PDE6C: variants seen among roughly 807,000 people sequenced by gnomAD.
PDE6C encodes cone cGMP-specific 3',5'-cyclic phosphodiesterase subunit alpha'.
A neutral mutation model predicts 113.1 loss-of-function variants in PDE6C; 75 were observed. The ratio of observed to expected loss-of-function variants is 0.66; its 90% CI spans 0.55 to 0.80. The LOEUF is 0.80. Ranked by LOEUF, PDE6C falls within the 30% of genes least tolerant of loss-of-function variation. The probability of loss-of-function intolerance (pLI) is 0.00; values close to 1 mark genes in which losing one functional copy is unlikely to be tolerated. For missense variants in PDE6C, 912 were observed against 1,038.6 expected (o/e 0.88, Z 1.67); for synonymous variants, 375 against 363.7 (o/e 1.03, Z -0.35).
intron 5 of PDE6C, 71 bp from the exon 6 acceptor site, chr10:93,626,569 C>A (rs2058473813): frequency 2.3e-6 from 2 of 855,878 alleles, no homozygotes; most frequent in Admixed American, 2.0e-5. Context: ...TTTTAAAGTA[C>A]AAGTTCCCCA....
intron 14 of PDE6C, among the ~76,000 whole-genome samples, chr10:93,644,004 C>T (rs1002508152): frequency 6.6e-6 from 1 of 152,138 alleles, no homozygotes; most frequent in East Asian, 1.9e-4. Flanking sequence ...GGAGTAGTTG[C>T]TCAACCTTTT....
In PDE6C at chr10:93,626,792, T is replaced by G; in HGVS notation, c.1005-13T>G. On this transcript the variant is annotated splice_polypyrimidine_tract_variant and intron_variant, in intron 6 of 21. Coordinates refer to ENST00000371447, the MANE Select transcript of PDE6C (RefSeq NM_006204.4). The stretch of plus-strand genomic sequence containing the variant: ...TCTATATTGCAATGATTTTTTTTCT[T>G]CTCTTCCCCAAGGACGCCTCCTGCA... 6.2e-7 allele frequency: 1 copy of G among 1,613,854 alleles called. No individual in the cohort carries two copies.
intron 21 of PDE6C, among the ~76,000 whole-genome samples, chr10:93,665,019 C>T (rs113465778): frequency 0.013 from 1,961 of 152,214 alleles, 31 homozygotes; most frequent in African/African-American, 0.04. Context: ...CAGGCACATG[C>T]CACCACACTC....
At chr10:93,626,535 G>T in intron 5 of PDE6C, 105 bp from the exon 6 acceptor site, 1 of 697,658 alleles carries the variant, frequency 1.4e-6, no homozygotes. Context: ...ATGTGGTTGG[G>T]AAATAAGGTT....
intron 1 of PDE6C, among the ~76,000 whole-genome samples, chr10:93,618,820 C>T (rs1445933946): frequency 6.6e-6 from 1 of 152,206 alleles, no homozygotes; most frequent in East Asian, 1.9e-4. Context: ...AGCCCTTGTT[C>T]CCTGGTGGAA....
At chr10:93,628,949 CA>C (rs1372137039) in intron 7 of PDE6C, among the ~76,000 whole-genome samples, 1 of 152,184 alleles carries the variant, frequency 6.6e-6, no homozygotes, top group Admixed American at 6.5e-5. Flanking sequence ...TAGAATTTCT[CA>C]GCTTTCTCCT....
chr10:93,661,631 G>A (rs1049830375), intron 18 of PDE6C, among the ~76,000 whole-genome samples: 3 of 152,114 alleles, frequency 2.0e-5, no homozygotes, highest in Non-Finnish European at 4.4e-5. Context: ...ATTAATGCTG[G>A]AATATCCTCA....
At chr10:93,633,038 G>A (rs1232131861) in intron 8 of PDE6C, among the ~76,000 whole-genome samples, 1 of 152,154 alleles carries the variant, frequency 6.6e-6, no homozygotes, top group Non-Finnish European at 1.5e-5. Flanking sequence ...GTAAGCCAAG[G>A]GAAGTCTTCA....
Position 93,612,599 on chromosome 10 carries a change from C to CT in PDE6C, c.-126dup. On this transcript the variant is annotated 5_prime_UTR_variant, in exon 1 of 22. Coordinates refer to ENST00000371447, the MANE Select transcript of PDE6C (RefSeq NM_006204.4). ...GCTTTCTGCTTGACCTTTGGAAGTCCTATGAGGGACCATTTACGGTTTCCT... is the reference window on the plus strand; with the variant it reads ...GCTTTCTGCTTGACCTTTGGAAGTCCTTATGAGGGACCATTTACGGTTTCCT... 7.6e-7 allele frequency: 1 copy of CT among 1,307,710 alleles called. No homozygotes were observed. Among genetic ancestry groups the CT allele is most frequent in the Non-Finnish European group, 1.1e-6 (1 of 915,428 alleles). The allele number at this position is 1,307,710 out of a possible 1,614,324, so 81.0% of individuals were successfully genotyped here.
intron 1 of PDE6C, among the ~76,000 whole-genome samples, chr10:93,615,296 A>C (rs1005150601): frequency 1.2e-4 from 19 of 152,240 alleles, no homozygotes; most frequent in Non-Finnish European, 2.5e-4. Flanking sequence ...GTCTCAAAAA[A>C]TAAACACAAT....
chr10:93,612,996 C>T lies in PDE6C; in HGVS notation c.271C>T (p.Leu91Phe), dbSNP rs1264742811. 9 of 1,614,150 alleles carry T rather than the reference C, an allele frequency of 5.6e-6. No homozygotes were observed. Among genetic ancestry groups the T allele is most frequent in the Non-Finnish European group, 7.6e-6 (9 of 1,180,018 alleles). Reference protein sequence around the residue: ...HRALQRLAHLLQADRCSMFLC... With the variant: ...HRALQRLAHLFQADRCSMFLC... ...GGCCCTGCAGAGGCTGGCCCACCTG[C>T]TCCAGGCTGACCGCTGCAGCATGTT... is the stretch of plus-strand genomic sequence containing the variant. Residue 91 changes from leucine (L) to phenylalanine (F), a missense_variant, in exon 1 of 22, where the codon CTC becomes TTC. Physicochemically the swap from Leu to Phe is conservative, Grantham distance 22 (BLOSUM62 0). Coordinates refer to ENST00000371447, the MANE Select transcript of PDE6C (RefSeq NM_006204.4).
At chr10:93,622,358 G>A (rs187103480) in intron 4 of PDE6C, among the ~76,000 whole-genome samples, 60 of 151,822 alleles carry the variant, frequency 4.0e-4, no homozygotes, top group East Asian at 3.9e-4. Flanking sequence ...TATAAAGTAC[G>A]GAGTTTCCTC....
intron 14 of PDE6C, among the ~76,000 whole-genome samples, chr10:93,643,985 CT>C (rs1242934859): frequency 6.6e-6 from 1 of 152,104 alleles, no homozygotes; most frequent in African/African-American, 2.4e-5. Context: ...CTTTAATCTC[CT>C]TTAATCTGGA....
rs1347774357 is a variant in PDE6C at position 93,662,548 on chromosome 10, TTC to T, written c.2284-8_2284-7del. 4.0e-6 allele frequency: 5 copies of T among 1,265,006 alleles called. No individual in the cohort carries two copies. Among genetic ancestry groups the T allele is most frequent in the Non-Finnish European group, 5.8e-6 (5 of 861,556 alleles). 78.4% of individuals were successfully genotyped at this position (1,265,006 alleles called of 1,614,324 possible). Reference sequence around the variant, plus strand: ...TAGAAACCTGTCTTAAAGGATTTATTTCTCTTTCTAGCCTATGATGGACAGAA... The same window carrying T: ...TAGAAACCTGTCTTAAAGGATTTATTTCTTTCTAGCCTATGATGGACAGAA... On this transcript the variant is annotated splice_polypyrimidine_tract_variant and intron_variant, in intron 19 of 21. Transcript: ENST00000371447.
intron 10 of PDE6C, among the ~76,000 whole-genome samples, chr10:93,636,246 G>A (rs549004498): frequency 2.0e-4 from 31 of 152,252 alleles, no homozygotes; most frequent in Admixed American, 9.2e-4. Flanking sequence ...GCCACATCAC[G>A]AAGACCAACC....
intron 10 of PDE6C, among the ~76,000 whole-genome samples, chr10:93,636,460 C>G (rs891580649): frequency 6.9e-6 from 1 of 143,998 alleles, no homozygotes; most frequent in Non-Finnish European, 1.5e-5. Context: ...TTGGTTTTGC[C>G]GAGTGGTTTG....
At position 93,640,593 on chromosome 10, in the gene PDE6C, C is replaced by A. The variant is rs767964412; in HGVS notation, c.1737+36C>A. On this transcript the variant is annotated intron_variant, in intron 13 of 21. Coordinates refer to ENST00000371447, the MANE Select transcript of PDE6C (RefSeq NM_006204.4). ...AGGGCTGTAAATCCTTGTAAACCTGCAGATTTCCCATTTGAGCATGATGAG... is the reference window on the plus strand; with the variant it reads ...AGGGCTGTAAATCCTTGTAAACCTGAAGATTTCCCATTTGAGCATGATGAG... The A allele has an allele frequency of 5.3e-6, 7 of 1,327,134 alleles. No homozygotes were observed. In the Admixed American group the frequency reaches 8.4e-5, roughly 16 times the overall value. The allele number at this position is 1,327,134 out of a possible 1,614,324, so 82.2% of individuals were successfully genotyped here.
Position 93,626,832 on chromosome 10 carries a change from C to T in PDE6C, c.1032C>T (p.Leu344=), listed in dbSNP as rs200000632. The change falls in exon 7 of 22, where the codon CTC becomes CTT. Residue 344 remains leucine, a synonymous_variant. Transcript: ENST00000371447. Reference sequence around the variant, plus strand: ...CGCCTCCTGCAGACCACTGGACACTCATTAGTGGGTTGCCAACATATGTTG... The same window carrying T: ...CGCCTCCTGCAGACCACTGGACACTTATTAGTGGGTTGCCAACATATGTTG... ...IPTPPADHWT[L]ISGLPTYVAE... is the part of the protein sequence containing the mutation. 4 of 1,613,862 alleles carry T rather than the reference C, an allele frequency of 2.5e-6. No individual in the cohort carries two copies. Among genetic ancestry groups the T allele is most frequent in the Non-Finnish European group, 2.5e-6 (3 of 1,179,954 alleles).
At chr10:93,657,802 T>C (rs1330107130) in intron 16 of PDE6C, among the ~76,000 whole-genome samples, 6 of 152,154 alleles carry the variant, frequency 3.9e-5, no homozygotes, top group Non-Finnish European at 8.8e-5. Flanking sequence ...AGGATTTGCA[T>C]GTCTTCAATT....
Sources: allele counts gnomAD v4.1 joint callset (sites outside exome capture counted in the v4.1 genomes callset), GRCh38; gene constraint gnomAD v4.1.1; transcripts MANE v1.5; gene names NCBI Gene and HGNC (gene_info 2026-07-23, HGNC 2026-07-21).